The following MIB1 variants were observed in gnomAD, a reference collection of about 807,000 sequenced individuals.
The protein encoded by MIB1 is E3 ubiquitin-protein ligase MIB1.
In MIB1, 278 loss-of-function variants were observed where a neutral mutation model predicts 124.5. The observed-to-expected ratio is 2.23, with a 90% CI of 2.02 to 2.47. MIB1 has a LOEUF of 2.47. MIB1 is among the 30% of genes most tolerant of loss of function. The pLI is 0.00. For synonymous variants in MIB1, 446 were observed against 429.4 expected, an observed-to-expected ratio of 1.04 and a Z score of -0.48; for missense variants, 957 against 1,254.4, an observed-to-expected ratio of 0.76 and a Z score of 3.58.
chr18:21,771,375 G>T (rs991773373), intron 3 of MIB1, among the ~76,000 whole-genome samples: 1 of 152,096 alleles, frequency 6.6e-6, no homozygotes, highest in East Asian at 1.9e-4. Flanking sequence ...CTAGCCAAAT[G>T]CTTTTTTACT....
chr18:21,743,084 A>G (rs1037473487), intron 1 of MIB1, among the ~76,000 whole-genome samples: 2 of 152,206 alleles, frequency 1.3e-5, no homozygotes, highest in African/African-American at 4.8e-5. Flanking sequence ...GCCAGGCTTC[A>G]GATAGCTTTT....
intron 1 of MIB1, among the ~76,000 whole-genome samples, chr18:21,753,544 T>C (rs538576633): frequency 6.6e-6 from 1 of 152,120 alleles, no homozygotes; most frequent in South Asian, 2.1e-4. Flanking sequence ...TTTTTGAAAA[T>C]TTCAGTTTAA....
chr18:21,855,914 G>C (rs1385937225), intron 18 of MIB1, among the ~76,000 whole-genome samples: 4 of 152,244 alleles, frequency 2.6e-5, no homozygotes, highest in African/African-American at 7.2e-5. Flanking sequence ...TAATTAACAA[G>C]TTTAGATGTA....
chr18:21,755,750 T>G (rs2146393112), intron 1 of MIB1, among the ~76,000 whole-genome samples: 1 of 152,344 alleles, frequency 6.6e-6, no homozygotes, highest in East Asian at 1.9e-4. Context: ...TTTGGAATAC[T>G]TATTTATTTA....
At chr18:21,731,981 T>A (rs1234037754) in intron 1 of MIB1, among the ~76,000 whole-genome samples, 2 of 151,956 alleles carry the variant, frequency 1.3e-5, no homozygotes, top group East Asian at 3.9e-4. Flanking sequence ...TAATAGTCTT[T>A]TTTACACTAA....
At chr18:21,713,715 A>G (rs917364665) in intron 1 of MIB1, among the ~76,000 whole-genome samples, 1 of 148,346 alleles carries the variant, frequency 6.7e-6, no homozygotes, top group African/African-American at 2.5e-5. Context: ...CCAAAATGCT[A>G]GGAGTACAGG....
chr18:21,724,890 C>T (rs867762042), intron 1 of MIB1, among the ~76,000 whole-genome samples: 7 of 145,420 alleles, frequency 4.8e-5, no homozygotes, highest in Non-Finnish European at 1.1e-4. Flanking sequence ...CAGGAGATCG[C>T]GACCATCCTG....
intron 12 of MIB1, among the ~76,000 whole-genome samples, chr18:21,836,133 A>G (rs1433473439): frequency 2.0e-5 from 3 of 151,640 alleles, no homozygotes; most frequent in South Asian, 2.1e-4. Context: ...ATGTACCCAT[A>G]CTCCCAGCTA....
intron 1 of MIB1, among the ~76,000 whole-genome samples, chr18:21,711,267 T>G (rs1283979713): frequency 6.6e-6 from 1 of 152,012 alleles, no homozygotes; most frequent in Non-Finnish European, 1.5e-5. Flanking sequence ...ACCCCACATT[T>G]TATTTATTTA....
intron 12 of MIB1, among the ~76,000 whole-genome samples, chr18:21,820,464 A>G (rs1033781477): frequency 1.3e-5 from 2 of 152,314 alleles, no homozygotes; most frequent in East Asian, 1.9e-4. Context: ...TAGGATCACC[A>G]CTAGAGGGTG....
chr18:21,756,362 A>G (rs1001150224), intron 1 of MIB1, among the ~76,000 whole-genome samples: 2 of 152,248 alleles, frequency 1.3e-5, no homozygotes, highest in African/African-American at 4.8e-5. Flanking sequence ...CATCACCTGT[A>G]AAATGAAATC....
intron 1 of MIB1, among the ~76,000 whole-genome samples, chr18:21,742,335 A>C (rs1231030559): frequency 6.6e-6 from 1 of 151,606 alleles, no homozygotes; most frequent in South Asian, 2.1e-4. Context: ...TCAGTAGCCA[A>C]ATGTTACTTG....
chr18:21,817,687 T>C (rs2041842356), intron 11 of MIB1: 2 of 447,966 alleles, frequency 4.5e-6, no homozygotes, highest in Non-Finnish European at 8.9e-6. Context: ...TAGGGGAGCA[T>C]AGGGCTCTGC....
intron 1 of MIB1, among the ~76,000 whole-genome samples, chr18:21,717,944 CAT>C (rs1254465647): frequency 2.6e-5 from 4 of 152,168 alleles, no homozygotes; most frequent in East Asian, 1.9e-4. Flanking sequence ...CTTGCACACA[CAT>C]GTTTATAGCA....
In MIB1 at chr18:21,869,785, CAAATG is replaced by C. The variant is rs2042343242; in HGVS notation, c.*5121_*5125del. 2 of 41,868 alleles carry C rather than the reference CAAATG, an allele frequency of 4.8e-5. No individual in the cohort carries two copies. The highest frequency in any genetic ancestry group is 1.1e-4 in the Non-Finnish European group (2 of 18,180). The allele number at this position is 41,868 out of a possible 1,614,324, so 2.6% of individuals were successfully genotyped here. A position where few individuals can be genotyped will look rare whatever the true frequency, so the allele number is the denominator to read the frequency against. ...TGGGAAACATAGATTGTCTTCCCCTCAAATGAGGGGAAAAAAAAAAGACCCTTTGT... is the reference window on the plus strand; with the variant it reads ...TGGGAAACATAGATTGTCTTCCCCTCAGGGGAAAAAAAAAAGACCCTTTGT... On this transcript the variant is annotated 3_prime_UTR_variant, in exon 21 of 21. Coordinates refer to ENST00000261537, the MANE Select transcript of MIB1 (RefSeq NM_020774.4).
intron 1 of MIB1, among the ~76,000 whole-genome samples, chr18:21,718,278 T>C (rs761237541): frequency 2.0e-5 from 3 of 152,036 alleles, no homozygotes; most frequent in African/African-American, 2.4e-5. Context: ...AAACTACAAA[T>C]TGGGTGCAGT....
chr18:21,815,963 C>T, intron 11 of MIB1, 150 bp downstream of exon 11: 3 of 740,604 alleles, frequency 4.1e-6, no homozygotes, highest in Admixed American at 6.6e-5. Context: ...AAATTGGCAG[C>T]TATTTCTTTT....
chr18:21,835,312 A>G (rs2042016543), intron 12 of MIB1, among the ~76,000 whole-genome samples: 1 of 152,180 alleles, frequency 6.6e-6, no homozygotes, highest in Non-Finnish European at 1.5e-5. Flanking sequence ...TAGAGTGGAA[A>G]GGAGACTGGG....
chr18:21,741,011 C>A lies in MIB1; in HGVS notation c.-573C>A, dbSNP rs2040842368. Among the ~76,000 whole-genome samples the A allele has an allele frequency of 6.6e-6, 1 of 152,086 alleles. No homozygotes were observed. Among genetic ancestry groups the A allele is most frequent in the African/African-American group, 2.4e-5 (1 of 41,448 alleles). ...GCGGGGCGGAGCGCGGCGGCTGGTG[C>A]GGGGGCAGAGAGAAGGGGGCCTGAG... is the stretch of plus-strand genomic sequence containing the variant. On this transcript the variant is annotated 5_prime_UTR_variant, in exon 1 of 21. Coordinates refer to ENST00000261537, the MANE Select transcript of MIB1 (RefSeq NM_020774.4). This position sits in a 1 kb window ranked among gnomAD's most constrained non-coding sequence, Gnocchi z 5.4.
Sources: gnomAD v4.1 joint callset for allele counts (sites outside exome capture counted in the v4.1 genomes callset) on GRCh38, gnomAD v4.1.1 for gene constraint, Gnocchi (gnomAD v3.1) non-coding constraint, MANE v1.5 for transcripts, NCBI Gene and HGNC (gene_info 2026-07-23, HGNC 2026-07-21) for gene names.